CDC40: variants seen among roughly 807,000 people sequenced by gnomAD.
The protein encoded by CDC40 is pre-mRNA-processing factor 17.
A neutral mutation model predicts 80.6 loss-of-function variants in CDC40; 27 were observed. The ratio of observed to expected loss-of-function variants is 0.33; its 90% confidence interval spans 0.25 to 0.46. The LOEUF (loss-of-function observed/expected upper bound fraction) is 0.46. CDC40 is among the 20% of genes least tolerant of loss of function. The pLI, the probability that CDC40 is intolerant of heterozygous loss-of-function variation, is 1.00. For synonymous variants in CDC40, 221 were observed against 232.6 expected (o/e 0.95, Z 0.45); for missense variants, 486 against 694.1 (o/e 0.70, Z 3.37).
intron 2 of CDC40, among the ~76,000 whole-genome samples, chr6:110,196,415 C>G (rs1298160739): frequency 6.6e-6 from 1 of 152,178 alleles, no homozygotes; most frequent in Non-Finnish European, 1.5e-5. Context: ...AACTCGAAGA[C>G]ATAGTAGCCA....
chr6:110,201,529 A>AT lies in CDC40; in HGVS notation c.277-25dup, dbSNP rs1354164440. ...AGAACTTTTGTGTCTTTCTTATTTT[A>AT]TTTTATTTTTTTTCTTGTAACATTG... is the stretch of plus-strand genomic sequence containing the variant. On this transcript the variant is annotated intron_variant, in intron 2 of 14. Transcript: ENST00000307731. 7 of 1,533,632 alleles carry AT rather than the reference A, an allele frequency of 4.6e-6. No individual in the cohort carries two copies. The East Asian group carries it at 9.5e-5, about 21-fold the overall frequency.
chr6:110,231,936 G>T lies in CDC40; in HGVS notation c.*1805G>T, dbSNP rs547440600. On this transcript the variant is annotated 3_prime_UTR_variant, in exon 15 of 15. Coordinates refer to ENST00000307731, the MANE Select transcript of CDC40 (RefSeq NM_015891.3). ...CCTAGCTGCTGCCATTTCTGTAACT[G>T]CCCAGAAGGGTGACAGATTTCTGAA... The T allele has an allele frequency of 6.9e-6, 1 of 145,890 alleles. No individual in the cohort carries two copies. Among genetic ancestry groups the T allele is most frequent in the African/African-American group, 2.6e-5 (1 of 38,776 alleles). 9.0% of individuals were successfully genotyped at this position (145,890 alleles called of 1,614,324 possible).
At chr6:110,210,836 G>T in intron 6 of CDC40, 33 bp downstream of exon 6, 1 of 1,195,090 alleles carries the variant, frequency 8.4e-7, no homozygotes, top group South Asian at 1.5e-5. Flanking sequence ...TCATTTTTAT[G>T]AAAAACCTTC....
At chr6:110,189,420 A>C (rs2114649210) in intron 1 of CDC40, among the ~76,000 whole-genome samples, 1 of 152,338 alleles carries the variant, frequency 6.6e-6, no homozygotes, top group Middle Eastern at 3.4e-3. Flanking sequence ...AATCTGTTGA[A>C]TGAATATATG....
Position 110,215,189 on chromosome 6 carries a change from G to C in CDC40, c.943-97G>C, listed in dbSNP as rs908213361. 5 of 878,816 alleles carry C rather than the reference G, an allele frequency of 5.7e-6. No individual in the cohort carries two copies. The African/African-American group carries it at 6.7e-5, about 12-fold the overall frequency. 54.4% of individuals were successfully genotyped at this position (878,816 alleles called of 1,614,324 possible). On this transcript the variant is annotated intron_variant, in intron 8 of 14. Transcript: ENST00000307731. ...TTGAAGCTGTGCGTTTACACACACA[G>C]ATGTGCACACACATAACCAGCATAG...
Position 110,230,120 on chromosome 6 carries a change from T to C in CDC40, c.1729T>C (p.Leu577=). The change falls in exon 15 of 15, where the codon TTG becomes CTG. Residue 577 remains leucine (L), a synonymous_variant. Coordinates refer to ENST00000307731, the MANE Select transcript of CDC40 (RefSeq NM_015891.3). ...ATGTGGTTGGGATGGTCTCATTAAATTGTGGGATTAATGAGATTAATCCTT... is the reference window on the plus strand; with the variant it reads ...ATGTGGTTGGGATGGTCTCATTAAACTGTGGGATTAATGAGATTAATCCTT... ...ITCGWDGLIK[L]WD 6.2e-7 allele frequency: 1 copy of C among 1,606,788 alleles called. No homozygotes were observed. Among genetic ancestry groups the C allele is most frequent in the Non-Finnish European group, 8.5e-7 (1 of 1,173,836 alleles).
rs2114669302 is a variant in CDC40, at chr6:110,219,433, A to G, written c.1160A>G (p.Lys387Arg). The G allele has an allele frequency of 6.2e-7, 1 of 1,610,964 alleles. No individual in the cohort carries two copies. ...YCVKFNPDED[K>R]QNLFVAGMSD... The stretch of plus-strand genomic sequence containing the variant: ...GTCAAATTCAATCCTGATGAAGATA[A>G]GCAAAATCTCTTTGTGGCTGGGATG... Residue 387 changes from lysine to arginine, a missense_variant, in exon 11 of 15, where the codon AAG becomes AGG. Coordinates refer to ENST00000307731, the MANE Select transcript of CDC40 (RefSeq NM_015891.3).
At chr6:110,229,509 T>C (rs958134733) in intron 14 of CDC40, among the ~76,000 whole-genome samples, 3 of 152,224 alleles carry the variant, frequency 2.0e-5, no homozygotes, top group Non-Finnish European at 4.4e-5. Flanking sequence ...TTTGTTTGTT[T>C]AGCCTAGTAA....
At chr6:110,222,071 C>T (rs561660641) in intron 12 of CDC40, among the ~76,000 whole-genome samples, 1 of 150,120 alleles carries the variant, frequency 6.7e-6, no homozygotes, top group Admixed American at 6.6e-5. Flanking sequence ...GCCTGGGCAA[C>T]ATTGTAAAAC....
intron 3 of CDC40, among the ~76,000 whole-genome samples, chr6:110,204,163 G>A (rs11754051): frequency 1.3e-5 from 2 of 151,774 alleles, no homozygotes; most frequent in African/African-American, 4.8e-5. Flanking sequence ...ACAGGCACCC[G>A]CCACCACGCC....
At chr6:110,205,894 G>C (rs1271306697) in intron 3 of CDC40, among the ~76,000 whole-genome samples, 1 of 152,106 alleles carries the variant, frequency 6.6e-6, no homozygotes, top group Admixed American at 6.5e-5. Flanking sequence ...CATGGGATTT[G>C]AACCTGTGAT....
At chr6:110,191,757 G>A (rs1374982483) in intron 1 of CDC40, among the ~76,000 whole-genome samples, 2 of 152,194 alleles carry the variant, frequency 1.3e-5, no homozygotes, top group East Asian at 1.9e-4. Flanking sequence ...AGTGCTAGAT[G>A]AAGACAGAAG....
chr6:110,216,338 T>C (rs1238733217), intron 9 of CDC40, among the ~76,000 whole-genome samples: 1 of 152,198 alleles, frequency 6.6e-6, no homozygotes. Flanking sequence ...GCTCTGTTTT[T>C]AGATTAAAGT....
At position 110,230,173 on chromosome 6, in the gene CDC40, T is replaced by C. The variant is rs372751527; in HGVS notation, c.*42T>C. The C allele has an allele frequency of 3.6e-4, 433 of 1,205,844 alleles. No individual in the cohort carries two copies. Among genetic ancestry groups the C allele is most frequent in the Non-Finnish European group, 3.1e-4 (259 of 830,402 alleles). The allele number at this position is 1,205,844 out of a possible 1,614,324, so 74.7% of individuals were successfully genotyped here. On this transcript the variant is annotated 3_prime_UTR_variant, in exon 15 of 15. Coordinates refer to ENST00000307731, the MANE Select transcript of CDC40 (RefSeq NM_015891.3). ...ACTAGCTGGGATCATTTTTGATCCA[T>C]TGTCATATTTATATTTAATTATTAA... is the stretch of plus-strand genomic sequence containing the variant.
At position 110,180,514 on chromosome 6, in the gene CDC40, A is replaced by G. The variant is rs1777165382; in HGVS notation, c.70A>G (p.Ser24Gly). ...SGSGSESDSD[S>G]ESSRCPLPAA... ...TTCAGGGTCCGAATCGGACTCGGAC[A>G]GTGAGAGCAGTCGGTGTCCGCTGCC... The change falls in exon 1 of 15, where the codon AGT becomes GGT. Residue 24 changes from serine to glycine, a missense_variant. Physicochemically the swap from Ser to Gly is moderately conservative, Grantham distance 56. Around this residue, in one of 3 missense-constraint regions of CDC40, gnomAD observed 381 missense variants for 492.1 expected, o/e 0.77. Coordinates refer to ENST00000307731, the MANE Select transcript of CDC40 (RefSeq NM_015891.3). 1 of 1,614,196 alleles carries G rather than the reference A, an allele frequency of 6.2e-7. No homozygotes were observed. Among genetic ancestry groups the G allele is most frequent in the South Asian group, 1.1e-5 (1 of 91,086 alleles).
At chr6:110,193,032 G>C (rs1777371923) in intron 1 of CDC40, 150 bp from the exon 2 acceptor site, 1 of 513,570 alleles carries the variant, frequency 1.9e-6, no homozygotes, top group Non-Finnish European at 3.5e-6. Context: ...ACCTCTAACT[G>C]TATACATTAA....
intron 2 of CDC40, among the ~76,000 whole-genome samples, chr6:110,196,396 A>C (rs1584065905): frequency 6.6e-6 from 1 of 152,280 alleles, no homozygotes; most frequent in East Asian, 1.9e-4. Context: ...TTTCTCACAT[A>C]ATGGATAGAA....
intron 12 of CDC40, among the ~76,000 whole-genome samples, chr6:110,221,549 A>AT (rs983084441): frequency 7.2e-5 from 11 of 152,120 alleles, no homozygotes; most frequent in African/African-American, 2.4e-4. Flanking sequence ...ATTCAGAAAT[A>AT]TTTTTTTACA....
intron 12 of CDC40, among the ~76,000 whole-genome samples, chr6:110,222,667 G>A (rs867682757): frequency 6.6e-6 from 1 of 152,170 alleles, no homozygotes; most frequent in Non-Finnish European, 1.5e-5. Flanking sequence ...CCTCTCCATC[G>A]TCCCACACTG....
Sources: gnomAD v4.1 joint callset for allele counts (sites outside exome capture counted in the v4.1 genomes callset) on GRCh38, gnomAD v4.1.1 for gene constraint, gnomAD v4.1.1 regional missense constraint, MANE v1.5 for transcripts, NCBI Gene and HGNC (gene_info 2026-07-23, HGNC 2026-07-21) for gene names.